The following GALNT17 variants were observed in gnomAD, a reference collection of about 807,000 sequenced individuals.
GALNT17 encodes UDP-GalNAc:polypeptide N-acetylgalactosaminyltransferase-like 3.
A neutral mutation model predicts 63.7 loss-of-function variants in GALNT17; 29 were observed. That is an observed-to-expected ratio of 0.46 (90% CI 0.34 to 0.62). GALNT17 has a LOEUF of 0.62. GALNT17 is among the 20% of genes least tolerant of loss of function. The pLI, the probability that GALNT17 is intolerant of heterozygous loss-of-function variation, is 0.01. For missense variants in GALNT17, 603 were observed against 799.6 expected, an observed-to-expected ratio of 0.75 and a Z score of 2.97; for synonymous variants, 305 against 318.3, an observed-to-expected ratio of 0.96 and a Z score of 0.45.
intron 5 of GALNT17, among the ~76,000 whole-genome samples, chr7:71,525,301 A>G (rs6973095): frequency 0.98 from 149,979 of 152,278 alleles, 73,903 homozygotes; most frequent in Middle Eastern, 1. Context: ...TCAGCCTCCC[A>G]AATAGCTGGG....
intron 1 of GALNT17, among the ~76,000 whole-genome samples, chr7:71,194,956 G>C (rs541701754): frequency 1.3e-5 from 2 of 152,154 alleles, no homozygotes; most frequent in Non-Finnish European, 2.9e-5. Context: ...CTCATCTTTA[G>C]GTTCTTGGAT....
intron 5 of GALNT17, among the ~76,000 whole-genome samples, chr7:71,546,722 T>C (rs1315972593): frequency 1.3e-5 from 2 of 152,188 alleles, no homozygotes; most frequent in African/African-American, 2.4e-5. Context: ...CCTACATATA[T>C]ATGAAGTTCA....
chr7:71,589,157 G>A lies in GALNT17; in HGVS notation c.1080+17755G>A, dbSNP rs114699927. ...TCTTCTTTGTAATTTTCATTGAGAA[G>A]CACTTTTTGCACCACAGTTAGTCTG... is the stretch of plus-strand genomic sequence containing the variant. On this transcript the variant is annotated intron_variant, in intron 6 of 10. Coordinates refer to ENST00000333538, the MANE Select transcript of GALNT17 (RefSeq NM_022479.3). Among the ~76,000 whole-genome samples, 470 of 152,308 alleles carry A rather than the reference G, an allele frequency of 3.1e-3. 1 individual carries two copies. Among genetic ancestry groups the A allele is most frequent in the African/African-American group, 0.011 (458 of 41,574 alleles).
rs1303751668 is a variant in GALNT17, at chr7:71,192,689, C to T, written c.238+59649C>T. On this transcript the variant is annotated intron_variant, in intron 1 of 10. Transcript: ENST00000333538. ...GGTATTACAGGCATGAACCACTGCACCCAGCCCTATATTTAACTCTTAACT... is the reference window on the plus strand; with the variant it reads ...GGTATTACAGGCATGAACCACTGCATCCAGCCCTATATTTAACTCTTAACT... 3.3e-5 allele frequency among the ~76,000 whole-genome samples: 5 copies of T among 152,162 alleles called. No individual in the cohort carries two copies. In the East Asian group the frequency reaches 9.6e-4, roughly 29 times the overall value.
chr7:71,341,828 T>G (rs1464449784), intron 2 of GALNT17, among the ~76,000 whole-genome samples: 2 of 152,130 alleles, frequency 1.3e-5, no homozygotes, highest in African/African-American at 4.8e-5. Flanking sequence ...GTGAGGAAGA[T>G]GATGAAGAGA....
chr7:71,523,744 A>AAAATAAATAAAT lies in GALNT17; in HGVS notation c.963-47510_963-47499dup, dbSNP rs55683413. 3.1e-4 allele frequency among the ~76,000 whole-genome samples: 43 copies of AAAATAAATAAAT among 137,612 alleles called. 1 individual carries two copies. Among genetic ancestry groups the AAAATAAATAAAT allele is most frequent in the African/African-American group, 4.8e-4 (18 of 37,360 alleles). The allele number at this position is 137,612 out of a possible 152,430, so 90.3% of individuals were successfully genotyped here. On this transcript the variant is annotated intron_variant, in intron 5 of 10. Coordinates refer to ENST00000333538, the MANE Select transcript of GALNT17 (RefSeq NM_022479.3). ...GCAACAGAGCAAGACCCTGTCTCAAAAAATAAATAAATAAATAAATAAATA... is the reference window on the plus strand; with the variant it reads ...GCAACAGAGCAAGACCCTGTCTCAAAAAATAAATAAATAAATAAATAAATAAATAAATAAATA...
intron 1 of GALNT17, among the ~76,000 whole-genome samples, chr7:71,211,116 T>C (rs1039906333): frequency 6.6e-6 from 1 of 152,192 alleles, no homozygotes; most frequent in African/African-American, 2.4e-5. Flanking sequence ...TATCAAGTTC[T>C]CTTTACCTTG....
At chr7:71,440,374 A>ATT (rs11297830) in intron 5 of GALNT17, among the ~76,000 whole-genome samples, 1 of 123,244 alleles carries the variant, frequency 8.1e-6, no homozygotes, top group Non-Finnish European at 1.7e-5. Context: ...TTCTTTCTTA[A>ATT]TTTTTTTTTT....
intron 1 of GALNT17, among the ~76,000 whole-genome samples, chr7:71,293,053 C>G (rs543466943): frequency 1.7e-4 from 26 of 150,330 alleles, no homozygotes; most frequent in Non-Finnish European, 3.6e-4. Context: ...GAATGCTATT[C>G]CATTGTGTAT....
At chr7:71,699,982 C>T (rs574988475) in intron 9 of GALNT17, among the ~76,000 whole-genome samples, 39 of 151,916 alleles carry the variant, frequency 2.6e-4, no homozygotes, top group African/African-American at 9.4e-4. Flanking sequence ...TAAAATATTC[C>T]GTTTTCCAGT....
At chr7:71,160,502 A>G (rs901297666) in intron 1 of GALNT17, among the ~76,000 whole-genome samples, 2 of 152,094 alleles carry the variant, frequency 1.3e-5, no homozygotes, top group Non-Finnish European at 2.9e-5. Context: ...CTTGTTGCCT[A>G]GGCTGGAGTG....
Position 71,201,781 on chromosome 7 carries a change from G to C in GALNT17, c.238+68741G>C, listed in dbSNP as rs1449159061. 2.0e-5 allele frequency among the ~76,000 whole-genome samples: 3 copies of C among 151,878 alleles called. No individual in the cohort carries two copies. In the East Asian group the frequency reaches 5.8e-4, roughly 30 times the overall value. The stretch of plus-strand genomic sequence containing the variant: ...CGAGTCGCTGGGATTACAGGCACAC[G>C]CCACCACACCCAGCTAATTTTTGTT... On this transcript the variant is annotated intron_variant, in intron 1 of 10. Transcript: ENST00000333538.
intron 1 of GALNT17, among the ~76,000 whole-genome samples, chr7:71,265,646 G>GCAGTATGT (rs1372121346): frequency 6.6e-6 from 1 of 152,168 alleles, no homozygotes; most frequent in African/African-American, 2.4e-5. Flanking sequence ...TTCTAAGGCA[G>GCAGTATGT]CAGTATGTGC....
intron 1 of GALNT17, among the ~76,000 whole-genome samples, chr7:71,145,793 C>A (rs1461589449): frequency 6.6e-6 from 1 of 152,142 alleles, no homozygotes. Context: ...ATAACCTTCA[C>A]CTCCTGGGTT....
intron 5 of GALNT17, among the ~76,000 whole-genome samples, chr7:71,500,205 C>T (rs1788158307): frequency 2.0e-5 from 3 of 152,202 alleles, no homozygotes; most frequent in African/African-American, 2.4e-5. Flanking sequence ...TTAATTGCAC[C>T]GCCTTGCCCT....
In GALNT17 at chr7:71,611,537, C is replaced by A. The variant is rs146424053; in HGVS notation, c.1080+40135C>A. On this transcript the variant is annotated intron_variant, in intron 6 of 10. Coordinates refer to ENST00000333538, the MANE Select transcript of GALNT17 (RefSeq NM_022479.3). Reference sequence around the variant, plus strand: ...CACTTCCTTTAGGAATCTCTCTGCTCCTCCTCTTCCTCACTGTGCCCCTGC... The same window carrying A: ...CACTTCCTTTAGGAATCTCTCTGCTACTCCTCTTCCTCACTGTGCCCCTGC... 2.7e-4 allele frequency among the ~76,000 whole-genome samples: 41 copies of A among 152,256 alleles called. No individual in the cohort carries two copies. The East Asian group carries it at 7.9e-3, about 30-fold the overall frequency.
At chr7:71,444,572 A>G (rs1787125964) in intron 5 of GALNT17, among the ~76,000 whole-genome samples, 1 of 152,200 alleles carries the variant, frequency 6.6e-6, no homozygotes, top group Admixed American at 6.5e-5. Context: ...GCAGTGGCTC[A>G]CGCCTGTAAT....
chr7:71,414,921 C>T (rs1189813555), intron 3 of GALNT17, among the ~76,000 whole-genome samples: 1 of 152,188 alleles, frequency 6.6e-6, no homozygotes, highest in Non-Finnish European at 1.5e-5. Flanking sequence ...TAAGAATCCC[C>T]TCCCTGTTAG....
At chr7:71,684,904 G>T (rs997342193) in intron 9 of GALNT17, among the ~76,000 whole-genome samples, 1 of 152,050 alleles carries the variant, frequency 6.6e-6, no homozygotes, top group South Asian at 2.1e-4. Flanking sequence ...ACCTCAAGCT[G>T]TCCTCCCACC....
Sources: allele counts gnomAD v4.1 joint callset (sites outside exome capture counted in the v4.1 genomes callset), GRCh38; gene constraint gnomAD v4.1.1; transcripts MANE v1.5; gene names NCBI Gene and HGNC (gene_info 2026-07-23, HGNC 2026-07-21).